The following CEACAM7 variants were observed in gnomAD, a reference collection of about 807,000 sequenced individuals.
CEACAM7 encodes CEA cell adhesion molecule 7.
Under a neutral mutation model 25.7 loss-of-function variants are expected in CEACAM7, and 24 were observed. The ratio of observed to expected loss-of-function variants is 0.93; its 90% CI spans 0.68 to 1.31. The LOEUF is 1.31. Among genes scored for constraint, CEACAM7 ranks in the 40% most tolerant of loss-of-function variants. The pLI is 0.00. For missense variants in CEACAM7, 324 were observed against 330.1 expected (o/e 0.98, Z 0.14); for synonymous variants, 144 against 129.4 (o/e 1.11, Z -0.77).
At chr19:41,680,986 C>T (rs1361512510) in intron 3 of CEACAM7, among the ~76,000 whole-genome samples, 1 of 151,858 alleles carries the variant, frequency 6.6e-6, no homozygotes, top group African/African-American at 2.4e-5. Flanking sequence ...AAAGGCAACC[C>T]ATGGAATGGG....
intron 3 of CEACAM7, among the ~76,000 whole-genome samples, chr19:41,682,765 C>T (rs1314051683): frequency 2.0e-5 from 3 of 152,234 alleles, no homozygotes; most frequent in Non-Finnish European, 2.9e-5. Flanking sequence ...TTCAAAGCTT[C>T]CTTCTTCCTT....
At chr19:41,676,173 G>T (rs1359490840) in intron 4 of CEACAM7, among the ~76,000 whole-genome samples, 2 of 152,146 alleles carry the variant, frequency 1.3e-5, no homozygotes, top group Non-Finnish European at 2.9e-5. Context: ...GTAGCATGTG[G>T]GAAGGCTTAA....
At chr19:41,677,762 A>C (rs1464883774) in intron 3 of CEACAM7, among the ~76,000 whole-genome samples, 1 of 152,096 alleles carries the variant, frequency 6.6e-6, no homozygotes, top group Admixed American at 6.5e-5. Context: ...AAGGCTTTGA[A>C]ATTTGAGAAA....
intron 3 of CEACAM7, among the ~76,000 whole-genome samples, 166 bp from the exon 4 acceptor site, chr19:41,677,669 G>A (rs1455613199): frequency 6.6e-6 from 1 of 152,154 alleles, no homozygotes; most frequent in Non-Finnish European, 1.5e-5. Context: ...ATTCTTGCAG[G>A]TTTTTTATCT....
At chr19:41,686,717 T>A in intron 2 of CEACAM7, 142 bp downstream of exon 2, 1 of 852,594 alleles carries the variant, frequency 1.2e-6, no homozygotes, top group Non-Finnish European at 1.8e-6. Context: ...GTCTCCCCCA[T>A]GTGTGTCCTT....
Position 41,688,096 on chromosome 19 carries a change from C to T in CEACAM7, c.64+6G>A, listed in dbSNP as rs1365938775. On this transcript the variant is annotated splice_donor_region_variant and intron_variant, in intron 1 of 4. Coordinates refer to ENST00000401731, the MANE Select transcript of CEACAM7 (RefSeq NM_001291485.2). ...CCCACCCACTCCCAGGAAGTCCTCC[C>T]CTCACCTGTGAGCAGGAGCCCCTGC... is the stretch of plus-strand genomic sequence containing the variant. 1.2e-6 allele frequency: 2 copies of T among 1,609,768 alleles called. No individual in the cohort carries two copies. The highest frequency in any genetic ancestry group is 1.7e-6 in the Non-Finnish European group (2 of 1,177,582).
chr19:41,687,603 C>G (rs1400622777), intron 1 of CEACAM7, among the ~76,000 whole-genome samples: 1 of 152,184 alleles, frequency 6.6e-6, no homozygotes, highest in African/African-American at 2.4e-5. Flanking sequence ...TTCTAGATCT[C>G]TTTGCCTGTC....
chr19:41,683,660 G>A, intron 3 of CEACAM7, 125 bp downstream of exon 3: 1 of 1,430,964 alleles, frequency 7.0e-7, no homozygotes. Context: ...GAAAGTCATG[G>A]CCAGCCTGGG....
chr19:41,675,278 G>C (rs1376212407), intron 4 of CEACAM7, among the ~76,000 whole-genome samples: 37 of 152,108 alleles, frequency 2.4e-4, no homozygotes, highest in Admixed American at 2.4e-3. Context: ...AAAATGTAGG[G>C]AGAAAAATTA....
At chr19:41,684,397 C>T (rs1356167848) in intron 2 of CEACAM7, among the ~76,000 whole-genome samples, 2 of 152,192 alleles carry the variant, frequency 1.3e-5, no homozygotes, top group African/African-American at 4.8e-5. Context: ...TTGGGGTCCT[C>T]ACCTCGAATG....
intron 3 of CEACAM7, among the ~76,000 whole-genome samples, chr19:41,682,426 TG>T (rs2072184624): frequency 6.6e-6 from 1 of 152,222 alleles, no homozygotes; most frequent in African/African-American, 2.4e-5. Context: ...CATCCCTAGC[TG>T]TGCTCTGTGC....
chr19:41,685,750 A>T (rs573606940), intron 2 of CEACAM7, among the ~76,000 whole-genome samples: 2 of 152,276 alleles, frequency 1.3e-5, no homozygotes, highest in African/African-American at 2.4e-5. Context: ...AGGCCTGGAC[A>T]TTCCCAGCAC....
chr19:41,688,135 C>A lies in CEACAM7; in HGVS notation c.31G>T (p.Val11Leu). 6.2e-7 allele frequency: 1 copy of A among 1,612,306 alleles called. No individual in the cohort carries two copies. The highest frequency in any genetic ancestry group is 8.5e-7 in the Non-Finnish European group (1 of 1,178,970). The change falls in exon 1 of 5, where the codon GTG becomes TTG. Residue 11 changes from valine (V) to leucine (L), a missense_variant. Val to Leu is a conservative substitution (Grantham distance 32, BLOSUM62 1). Coordinates refer to ENST00000401731, the MANE Select transcript of CEACAM7 (RefSeq NM_001291485.2). Reference sequence around the variant, plus strand: ...AGGAGCCCCTGCCAGGGAATGCACACTCTGTATGGACAGGCTGAAGGGGAC... The same window carrying A: ...AGGAGCCCCTGCCAGGGAATGCACAATCTGTATGGACAGGCTGAAGGGGAC... MGSPSACPYR[V>L]CIPWQGLLLT...
intron 3 of CEACAM7, among the ~76,000 whole-genome samples, chr19:41,683,480 C>A (rs2072195355): frequency 6.6e-6 from 1 of 152,196 alleles, no homozygotes; most frequent in Admixed American, 6.5e-5. Context: ...TCCCTCTTAC[C>A]CAAATCACAA....
chr19:41,679,801 C>CTTTTTTTTT (rs34340713), intron 3 of CEACAM7, among the ~76,000 whole-genome samples: 2 of 111,926 alleles, frequency 1.8e-5, no homozygotes, highest in Admixed American at 1.1e-4. Context: ...CTCTCTCTCT[C>CTTTTTTTTT]TTTTTTTTTT....
In CEACAM7 at chr19:41,688,137, C is replaced by T. The variant is rs2122736838; in HGVS notation, c.29G>A (p.Arg10Lys). The T allele has an allele frequency of 1.9e-6, 3 of 1,612,268 alleles. No individual in the cohort carries two copies. Among genetic ancestry groups the T allele is most frequent in the East Asian group, 2.2e-5 (1 of 44,676 alleles). Reference protein sequence around the residue: MGSPSACPYRVCIPWQGLLL... With the variant: MGSPSACPYKVCIPWQGLLL... The stretch of plus-strand genomic sequence containing the variant: ...GAGCCCCTGCCAGGGAATGCACACT[C>T]TGTATGGACAGGCTGAAGGGGACCC... Residue 10 changes from arginine (R) to lysine (K), a missense_variant, in exon 1 of 5, where the codon AGA (arginine) becomes AAA (lysine). By Grantham distance (26) the Arg-to-Lys change is conservative. Coordinates refer to ENST00000401731, the MANE Select transcript of CEACAM7 (RefSeq NM_001291485.2).
Position 41,688,146 on chromosome 19 carries a change from C to T in CEACAM7, c.20G>A (p.Cys7Tyr). 3.1e-6 allele frequency: 5 copies of T among 1,612,036 alleles called. No homozygotes were observed. Among genetic ancestry groups the T allele is most frequent in the East Asian group, 4.5e-5 (2 of 44,664 alleles). MGSPSACPYRVCIPWQG... is the reference protein window; with the variant it reads MGSPSAYPYRVCIPWQG... ...CCAGGGAATGCACACTCTGTATGGA[C>T]AGGCTGAAGGGGACCCCATGGTCTC... The change falls in exon 1 of 5, where the codon TGT becomes TAT. Residue 7 changes from cysteine (C) to tyrosine (Y), a missense_variant. Cys to Tyr is a radical substitution (Grantham distance 194). Transcript: ENST00000401731.
At chr19:41,677,011 A>G (rs1029060812) in intron 4 of CEACAM7, among the ~76,000 whole-genome samples, 3 of 152,172 alleles carry the variant, frequency 2.0e-5, no homozygotes, top group African/African-American at 7.2e-5. Context: ...ATATGCTAGG[A>G]AGCATTCAGA....
rs2072171512 is a variant in CEACAM7 at position 41,681,182 on chromosome 19, T to G, written c.706+2603A>C. 2.0e-5 allele frequency among the ~76,000 whole-genome samples: 3 copies of G among 152,320 alleles called. No homozygotes were observed. In the South Asian group the frequency reaches 6.2e-4, roughly 32 times the overall value. On this transcript the variant is annotated intron_variant, in intron 3 of 4. Coordinates refer to ENST00000401731, the MANE Select transcript of CEACAM7 (RefSeq NM_001291485.2). ...CACATGCAAAGATGCTAAACATCAC[T>G]AATACTTAGAGATATGCAAATCAGA...
Sources: gnomAD v4.1 joint callset for allele counts (sites outside exome capture counted in the v4.1 genomes callset) on GRCh38, gnomAD v4.1.1 for gene constraint, MANE v1.5 for transcripts, NCBI Gene and HGNC (gene_info 2026-07-23, HGNC 2026-07-21) for gene names.